The following DGKB variants were observed in gnomAD, a reference collection of about 807,000 sequenced individuals.
DGKB encodes diacylglycerol kinase beta.
DGKB carries 67 observed loss-of-function variants against 114.3 expected under a neutral mutation model. The ratio of observed to expected loss-of-function variants is 0.59; its 90% CI spans 0.48 to 0.72. The LOEUF (loss-of-function observed/expected upper bound fraction) is 0.72. Ranked by LOEUF, DGKB falls within the 30% of genes least tolerant of loss-of-function variation. DGKB has a pLI of 0.00. For missense variants in DGKB, 907 were observed against 975.2 expected, an observed-to-expected ratio of 0.93 and a Z score of 0.93; for synonymous variants, 398 against 323.1, an observed-to-expected ratio of 1.23 and a Z score of -2.49.
intron 13 of DGKB, among the ~76,000 whole-genome samples, chr7:14,631,135 C>T (rs78829341): frequency 2.1e-3 from 311 of 151,370 alleles, no homozygotes; most frequent in African/African-American, 6.9e-3. Context: ...CCTTTTCCTC[C>T]CTAGATACGA....
At chr7:14,150,995 T>C (rs1247694058) in intron 25 of DGKB, among the ~76,000 whole-genome samples, 1 of 151,956 alleles carries the variant, frequency 6.6e-6, no homozygotes, top group Non-Finnish European at 1.5e-5. Flanking sequence ...AACAAGCACA[T>C]TGAATGGTGT....
chr7:14,325,090 A>G (rs892143512), intron 23 of DGKB, among the ~76,000 whole-genome samples: 1 of 152,178 alleles, frequency 6.6e-6, no homozygotes, highest in African/African-American at 2.4e-5. Context: ...AGCAGGCAGC[A>G]CCTCACAATG....
intron 25 of DGKB, among the ~76,000 whole-genome samples, chr7:14,167,835 A>C (rs11973237): frequency 0.35 from 53,392 of 152,080 alleles, 10,314 homozygotes; most frequent in South Asian, 0.52. Context: ...CAGCAACAAC[A>C]ATAAATTAAC....
chr7:14,621,319 T>C (rs1807599365), intron 15 of DGKB, 59 bp downstream of exon 15: 8 of 1,013,602 alleles, frequency 7.9e-6, no homozygotes, highest in Non-Finnish European at 1.2e-5. Flanking sequence ...ATATGCCCCT[T>C]TAGAGCCTAG....
At chr7:14,505,860 C>G (rs948950995) in intron 20 of DGKB, among the ~76,000 whole-genome samples, 2 of 152,134 alleles carry the variant, frequency 1.3e-5, no homozygotes, top group African/African-American at 4.8e-5. Flanking sequence ...GCTTACTTTC[C>G]AGGTCTCTTT....
In DGKB at chr7:14,974,323, G is replaced by A. The variant is rs13438098; in HGVS notation, c.-188+373C>T. Among the ~76,000 whole-genome samples, 126 of 152,114 alleles carry A rather than the reference G, an allele frequency of 8.3e-4. No homozygotes were observed. The East Asian group carries it at 0.015, about 18-fold the overall frequency. On this transcript the variant is annotated intron_variant, in intron 1 of 4. Transcript: ENST00000437998. ...GAAAGGGGGCAGAAAACACATGAGA[G>A]ACAAGTTATTTTTAAAGTTGACAAC...
At chr7:14,703,456 C>A (rs1825576586) in intron 6 of DGKB, among the ~76,000 whole-genome samples, 1 of 152,170 alleles carries the variant, frequency 6.6e-6, no homozygotes, top group African/African-American at 2.4e-5. Flanking sequence ...TTCTGAAAAT[C>A]ACACTTTATG....
At chr7:14,507,669 C>T (rs1375113385) in intron 20 of DGKB, among the ~76,000 whole-genome samples, 2 of 152,072 alleles carry the variant, frequency 1.3e-5, no homozygotes, top group Admixed American at 6.6e-5. Context: ...TGTGATACCC[C>T]CTGAAGCAGG....
chr7:14,366,829 G>A (rs1816755934), intron 21 of DGKB, among the ~76,000 whole-genome samples: 1 of 152,058 alleles, frequency 6.6e-6, no homozygotes. Context: ...TCTCTGCAAA[G>A]GAACATACGT....
At chr7:14,178,232 T>TA (rs907568747) in intron 23 of DGKB, 81 bp from the exon 24 acceptor site, 43 of 1,420,176 alleles carry the variant, frequency 3.0e-5, no homozygotes, top group East Asian at 5.1e-5. Flanking sequence ...TTATGGAGAT[T>TA]AAAAAAAATA....
intron 20 of DGKB, among the ~76,000 whole-genome samples, chr7:14,545,487 A>T (rs1794134183): frequency 6.6e-6 from 1 of 152,226 alleles, no homozygotes; most frequent in Admixed American, 6.5e-5. Context: ...CTGAGAAAAC[A>T]TCTCTCAAAA....
At chr7:14,349,702 A>C (rs1216457490) in intron 21 of DGKB, among the ~76,000 whole-genome samples, 1 of 152,176 alleles carries the variant, frequency 6.6e-6, no homozygotes, top group African/African-American at 2.4e-5. Flanking sequence ...CCACATGACA[A>C]ATTGAAGGCT....
intron 4 of DGKB, among the ~76,000 whole-genome samples, chr7:14,745,477 A>G (rs969544823): frequency 6.6e-6 from 1 of 152,180 alleles, no homozygotes; most frequent in Non-Finnish European, 1.5e-5. Context: ...TCCACAGAGA[A>G]CCTCTGACCC....
chr7:14,413,201 A>G (rs533560208), intron 21 of DGKB, among the ~76,000 whole-genome samples: 34 of 152,194 alleles, frequency 2.2e-4, no homozygotes, highest in Admixed American at 1.2e-3. Context: ...GGACATGAGA[A>G]TGAAAAAAAC....
At chr7:14,555,868 G>A (rs1054723824) in intron 20 of DGKB, among the ~76,000 whole-genome samples, 2 of 152,102 alleles carry the variant, frequency 1.3e-5, no homozygotes, top group Non-Finnish European at 2.9e-5. Flanking sequence ...ACTTTGAAGG[G>A]TCTAAAAAGG....
At chr7:14,898,600 C>A (rs1463572034) in intron 1 of DGKB, among the ~76,000 whole-genome samples, 3 of 151,990 alleles carry the variant, frequency 2.0e-5, no homozygotes, top group African/African-American at 7.2e-5. Flanking sequence ...GGAAGGGAGC[C>A]AATGAGCAAG....
chr7:14,441,266 C>G (rs868078816), intron 21 of DGKB, among the ~76,000 whole-genome samples: 1 of 152,094 alleles, frequency 6.6e-6, no homozygotes, highest in Non-Finnish European at 1.5e-5. Flanking sequence ...CTCAGCCTCC[C>G]GAAGTGCTGG....
At chr7:14,762,059 A>T (rs903121042) in intron 2 of DGKB, among the ~76,000 whole-genome samples, 4 of 152,134 alleles carry the variant, frequency 2.6e-5, no homozygotes, top group African/African-American at 9.6e-5. Flanking sequence ...CTGCCCTTTG[A>T]CTAACATATC....
chr7:14,266,747 T>G (rs776105446), intron 23 of DGKB, among the ~76,000 whole-genome samples: 1 of 152,204 alleles, frequency 6.6e-6, no homozygotes, highest in Admixed American at 6.5e-5. Context: ...AATGGTTCAG[T>G]TGCTTTTAAT....
Sources: allele counts gnomAD v4.1 joint callset (sites outside exome capture counted in the v4.1 genomes callset), GRCh38; gene constraint gnomAD v4.1.1; transcripts MANE v1.5; gene names NCBI Gene and HGNC (gene_info 2026-07-23, HGNC 2026-07-21).